The following TTC3 variants were observed in gnomAD, a reference collection of about 807,000 sequenced individuals.
TTC3 encodes the protein tetratricopeptide repeat domain 3.
A neutral mutation model predicts 249.6 loss-of-function variants in TTC3; 180 were observed. The observed-to-expected ratio is 0.72, with a 90% CI of 0.64 to 0.82. The LOEUF is 0.82. Ranked by LOEUF, TTC3 falls within the 40% of genes least tolerant of loss-of-function variation. TTC3 has a pLI of 0.00. For synonymous variants in TTC3, 717 were observed against 805.0 expected, an observed-to-expected ratio of 0.89 and a Z score of 1.85; for missense variants, 2,061 against 2,398.4, an observed-to-expected ratio of 0.86 and a Z score of 2.94.
chr21:37,079,805 A>AT (rs1266465768), intron 1 of TTC3, among the ~76,000 whole-genome samples: 1 of 151,990 alleles, frequency 6.6e-6, no homozygotes, highest in Non-Finnish European at 1.5e-5. Context: ...AAGTGCTAGG[A>AT]TTACAGGTGT....
At chr21:37,140,425 G>A (rs2078338117) in intron 19 of TTC3, 136 bp from the exon 20 acceptor site, 3 of 556,826 alleles carry the variant, frequency 5.4e-6, no homozygotes, top group Non-Finnish European at 9.2e-6. Flanking sequence ...GAAACACAGA[G>A]GTATAATTTT....
At chr21:37,164,465 A>C (rs1377738190) in intron 32 of TTC3, among the ~76,000 whole-genome samples, 2 of 151,496 alleles carry the variant, frequency 1.3e-5, no homozygotes, top group Non-Finnish European at 2.9e-5. Context: ...CAGCCTCCCG[A>C]GTAGCTGGGA....
chr21:37,182,843 A>G (rs1318089257), exon 36 of TTC3: 5 of 1,596,542 alleles, frequency 3.1e-6, no homozygotes, highest in Non-Finnish European at 3.4e-6. Flanking sequence ...GCAACAGGAA[A>G]AAAAAGAAAT....
exon 36 of TTC3, chr21:37,182,814 A>G (rs777043280): frequency 6.3e-7 from 1 of 1,596,238 alleles, no homozygotes; most frequent in South Asian, 1.2e-5. Context: ...CAAGATTTGG[A>G]AAGAGAAATT....
chr21:37,156,733 T>A, exon 28 of TTC3: 1 of 1,614,096 alleles, frequency 6.2e-7, no homozygotes, highest in Non-Finnish European at 8.5e-7. Flanking sequence ...ATGACTTTCC[T>A]CTGGAATGAG....
At chr21:37,147,547 C>A in exon 22 of TTC3, 5 of 1,610,900 alleles carry the variant, frequency 3.1e-6, no homozygotes, top group Non-Finnish European at 3.4e-6. Context: ...TTGTTGCTAT[C>A]AGAAGTGCCA....
At chr21:37,196,168 T>A (rs762190282) in intron 42 of TTC3, 132 bp downstream of exon 42, 1 of 1,211,792 alleles carries the variant, frequency 8.3e-7, no homozygotes, top group Middle Eastern at 2.9e-4. Context: ...GAAAGACAGT[T>A]GCTACATTTC....
chr21:37,112,858 T>G (rs576833989), intron 11 of TTC3, among the ~76,000 whole-genome samples: 1 of 152,322 alleles, frequency 6.6e-6, no homozygotes, highest in African/African-American at 2.4e-5. Flanking sequence ...CAAGTGGGCT[T>G]CATCCCTGGG....
At chr21:37,162,852 T>A (rs2080892777) in intron 31 of TTC3, among the ~76,000 whole-genome samples, 1 of 152,144 alleles carries the variant, frequency 6.6e-6, no homozygotes, top group Admixed American at 6.5e-5. Context: ...ATTCAGTGTT[T>A]GGTGAGGGCC....
chr21:37,135,995 T>A (rs1170262319), intron 18 of TTC3, among the ~76,000 whole-genome samples: 1 of 152,216 alleles, frequency 6.6e-6, no homozygotes. Context: ...AACTTTTTCA[T>A]TATCATTATC....
At chr21:37,090,006 G>A (rs2073039143) in intron 5 of TTC3, among the ~76,000 whole-genome samples, 2 of 151,356 alleles carry the variant, frequency 1.3e-5, no homozygotes, top group Non-Finnish European at 2.9e-5. Flanking sequence ...AAATTCACAT[G>A]TCTAAAGATT....
exon 42 of TTC3, chr21:37,195,729 A>T: frequency 6.2e-7 from 1 of 1,614,034 alleles, no homozygotes. Flanking sequence ...AGGGCTTGTG[A>T]CTTCTGCAAG....
intron 40 of TTC3, among the ~76,000 whole-genome samples, 200 bp from the exon 41 acceptor site, chr21:37,191,912 T>C (rs2084182252): frequency 1.3e-5 from 2 of 152,306 alleles, no homozygotes; most frequent in South Asian, 4.1e-4. Flanking sequence ...TTTTCTTAAT[T>C]AAATTAACCA....
chr21:37,152,392 G>GTT (rs1174425962), intron 26 of TTC3, among the ~76,000 whole-genome samples: 10 of 123,442 alleles, frequency 8.1e-5, no homozygotes, highest in South Asian at 3.0e-4. Flanking sequence ...TTTTTTTTTT[G>GTT]TTTTTTTTTT....
chr21:37,120,199 C>T (rs770620748), intron 11 of TTC3, among the ~76,000 whole-genome samples: 1 of 152,100 alleles, frequency 6.6e-6, no homozygotes, highest in Admixed American at 6.6e-5. Context: ...GAGGGAATTT[C>T]CACATGTGTG....
At chr21:37,135,461 G>T in exon 18 of TTC3, 1 of 1,613,966 alleles carries the variant, frequency 6.2e-7, no homozygotes, top group Non-Finnish European at 8.5e-7. Context: ...TTGCCGCAGC[G>T]CTGCACAGGC....
At chr21:37,109,451 G>T (rs1200917229) in intron 11 of TTC3, among the ~76,000 whole-genome samples, 1 of 152,244 alleles carries the variant, frequency 6.6e-6, no homozygotes, top group Non-Finnish European at 1.5e-5. Flanking sequence ...CGCCCATGGA[G>T]CCTCGCTCAT....
At chr21:37,133,178 AAC>A (rs2077620897) in intron 17 of TTC3, among the ~76,000 whole-genome samples, 1 of 152,202 alleles carries the variant, frequency 6.6e-6, no homozygotes, top group Non-Finnish European at 1.5e-5. Context: ...AAAAGATTTA[AAC>A]ACAGTTTCAT....
At position 37,198,850 on chromosome 21, in the gene TTC3, A is replaced by T. The variant is rs61375103; in HGVS notation, c.5850+825A>T. Among the ~76,000 whole-genome samples, 994 of 149,826 alleles carry T rather than the reference A, an allele frequency of 6.6e-3. 12 individuals are homozygous for T. Among genetic ancestry groups the T allele is most frequent in the African/African-American group, 0.023 (926 of 41,014 alleles). On this transcript the variant is annotated intron_variant, in intron 44 of 45. Transcript: ENST00000355666. ...GGGCTGAATGTTTTGGTTGTTTTCCATTTTTTTTTTTATTGTGGTTGTCCT... is the reference window on the plus strand; with the variant it reads ...GGGCTGAATGTTTTGGTTGTTTTCCTTTTTTTTTTTTATTGTGGTTGTCCT...
Sources: allele counts gnomAD v4.1 joint callset (sites outside exome capture counted in the v4.1 genomes callset), GRCh38; gene constraint gnomAD v4.1.1; transcripts MANE v1.5; gene names NCBI Gene and HGNC (gene_info 2026-07-23, HGNC 2026-07-21).